Variants in DNER observed in about 807,000 individuals in gnomAD.
DNER encodes the protein delta and Notch-like epidermal growth factor-related receptor.
DNER carries 33 observed loss-of-function variants against 78.2 expected under a neutral mutation model. That is an observed-to-expected ratio of 0.42 (90% CI 0.32 to 0.56). DNER has a LOEUF of 0.56. DNER is among the 20% of genes least tolerant of loss of function. The pLI, the probability that DNER is intolerant of heterozygous loss-of-function variation, is 0.11. For missense variants in DNER, 918 were observed against 975.3 expected (o/e 0.94, Z 0.78); for synonymous variants, 417 against 384.8 (o/e 1.08, Z -0.98).
Position 229,424,190 on chromosome 2 carries a change from G to A in DNER, c.1487-5960C>T, listed in dbSNP as rs551923514. ...GGTCTCCACCTACACGGAGCATCCAGTGTGGTAGCAAGTTAGCAGCATCTG... is the reference window on the plus strand; with the variant it reads ...GGTCTCCACCTACACGGAGCATCCAATGTGGTAGCAAGTTAGCAGCATCTG... On this transcript the variant is annotated intron_variant, in intron 8 of 12. Coordinates refer to ENST00000341772, the MANE Select transcript of DNER (RefSeq NM_139072.4). 3.3e-5 allele frequency among the ~76,000 whole-genome samples: 5 copies of A among 152,372 alleles called. No homozygotes were observed. In the East Asian group the frequency reaches 7.7e-4, roughly 23 times the overall value.
At chr2:229,575,887 T>A (rs1299916553) in intron 4 of DNER, among the ~76,000 whole-genome samples, 2 of 152,126 alleles carry the variant, frequency 1.3e-5, no homozygotes, top group Non-Finnish European at 2.9e-5. Context: ...AAAAGAATAA[T>A]CTTGATTGCT....
intron 1 of DNER, among the ~76,000 whole-genome samples, chr2:229,642,202 G>T (rs1698637675): frequency 6.6e-6 from 1 of 152,106 alleles, no homozygotes; most frequent in Non-Finnish European, 1.5e-5. Flanking sequence ...AAGGGGGAAA[G>T]TACCTAAGAC....
At chr2:229,601,189 A>G (rs553089890) in intron 1 of DNER, among the ~76,000 whole-genome samples, 31 of 152,306 alleles carry the variant, frequency 2.0e-4, no homozygotes, top group African/African-American at 7.2e-4. Flanking sequence ...TGTAAATGTC[A>G]TCTTCCTTCT....
intron 1 of DNER, among the ~76,000 whole-genome samples, chr2:229,699,397 G>C (rs1574572696): frequency 6.6e-6 from 1 of 152,028 alleles, no homozygotes; most frequent in Admixed American, 6.5e-5. Flanking sequence ...ACAAGCTCTT[G>C]CTCTGCCGCC....
intron 1 of DNER, among the ~76,000 whole-genome samples, chr2:229,639,831 G>A (rs751682514): frequency 1.7e-4 from 26 of 152,148 alleles, no homozygotes; most frequent in South Asian, 4.1e-4. Context: ...CCAAGGGCAG[G>A]CCCTTGAATG....
rs115590098 is a variant in DNER at position 229,706,203 on chromosome 2, G to A, written c.276+7945C>T. Among the ~76,000 whole-genome samples, 1,436 of 152,156 alleles carry A rather than the reference G, an allele frequency of 9.4e-3. 27 individuals carry two copies. Among genetic ancestry groups the A allele is most frequent in the African/African-American group, 0.033 (1,363 of 41,486 alleles). ...ATAAACTCTTTCCACCAATGTTTAC[G>A]GAAATATTTAGGAGAGGGTCAGCCA... On this transcript the variant is annotated intron_variant, in intron 1 of 12. Coordinates refer to ENST00000341772, the MANE Select transcript of DNER (RefSeq NM_139072.4).
intron 5 of DNER, among the ~76,000 whole-genome samples, chr2:229,542,323 T>C (rs572891784): frequency 1.3e-5 from 2 of 152,158 alleles, no homozygotes; most frequent in Non-Finnish European, 2.9e-5. Context: ...CTCCTTGCGA[T>C]GTTGAAGTAA....
intron 1 of DNER, among the ~76,000 whole-genome samples, chr2:229,676,562 G>A (rs911415082): frequency 6.6e-6 from 1 of 152,168 alleles, no homozygotes; most frequent in African/African-American, 2.4e-5. Flanking sequence ...ATTTGCTCTA[G>A]TAAAGGACTG....
intron 1 of DNER, among the ~76,000 whole-genome samples, chr2:229,671,447 CT>C (rs1303547220): frequency 6.6e-5 from 10 of 152,220 alleles, no homozygotes; most frequent in African/African-American, 1.9e-4. Context: ...TATGTCATCA[CT>C]TCCTTTAATT....
intron 6 of DNER, among the ~76,000 whole-genome samples, chr2:229,507,061 T>A (rs1208391158): frequency 6.6e-6 from 1 of 152,226 alleles, no homozygotes; most frequent in African/African-American, 2.4e-5. Flanking sequence ...TTGTACTGAA[T>A]ACTGTAGGCA....
At chr2:229,456,582 T>C (rs2106366117) in intron 7 of DNER, among the ~76,000 whole-genome samples, 1 of 152,126 alleles carries the variant, frequency 6.6e-6, no homozygotes, top group East Asian at 1.9e-4. Flanking sequence ...TAGAACAATG[T>C]CTACAGGGAC....
At chr2:229,711,282 C>T (rs888626155) in intron 1 of DNER, among the ~76,000 whole-genome samples, 1 of 152,102 alleles carries the variant, frequency 6.6e-6, no homozygotes, top group Non-Finnish European at 1.5e-5. Context: ...AGAGGTGAGG[C>T]TTTAAAGCTG....
intron 1 of DNER, among the ~76,000 whole-genome samples, chr2:229,623,510 C>A (rs1412083360): frequency 6.6e-6 from 1 of 152,208 alleles, no homozygotes; most frequent in African/African-American, 2.4e-5. Context: ...GCCCAGGCAG[C>A]CGGGCATGAG....
chr2:229,566,604 A>AAGCTCTCAGG, intron 4 of DNER, among the ~76,000 whole-genome samples: 1 of 152,218 alleles, frequency 6.6e-6, no homozygotes, highest in South Asian at 2.1e-4. Flanking sequence ...AGGCCTCAAG[A>AAGCTCTCAGG]AGCTCTCAGG....
chr2:229,434,594 C>A (rs1352547201), intron 8 of DNER, among the ~76,000 whole-genome samples: 8 of 152,102 alleles, frequency 5.3e-5, no homozygotes, highest in African/African-American at 1.9e-4. Flanking sequence ...AAACACACAG[C>A]ATTTGTTCAT....
intron 1 of DNER, among the ~76,000 whole-genome samples, chr2:229,649,731 GAGA>G (rs1698778219): frequency 1.3e-5 from 2 of 152,184 alleles, no homozygotes; most frequent in African/African-American, 4.8e-5. Context: ...TACAGTGGAT[GAGA>G]ATTATTCTTA....
At chr2:229,535,479 T>C (rs928663484) in intron 5 of DNER, among the ~76,000 whole-genome samples, 1 of 152,148 alleles carries the variant, frequency 6.6e-6, no homozygotes, top group Non-Finnish European at 1.5e-5. Context: ...AATCCAACCC[T>C]GCCTGCCATT....
chr2:229,596,523 T>G (rs557082382), intron 1 of DNER, among the ~76,000 whole-genome samples: 3 of 152,296 alleles, frequency 2.0e-5, no homozygotes, highest in Admixed American at 2.0e-4. Flanking sequence ...TCTCTGGTCC[T>G]CGGAGACCAT....
At chr2:229,596,946 T>TGCACATGCAC (rs1426704419) in intron 1 of DNER, among the ~76,000 whole-genome samples, 3 of 151,984 alleles carry the variant, frequency 2.0e-5, no homozygotes, top group African/African-American at 7.3e-5. Flanking sequence ...TGCACATGCA[T>TGCACATGCAC]GCACATGCAC....
Sources: gnomAD v4.1 joint callset for allele counts (sites outside exome capture counted in the v4.1 genomes callset) on GRCh38, gnomAD v4.1.1 for gene constraint, MANE v1.5 for transcripts, NCBI Gene and HGNC (gene_info 2026-07-23, HGNC 2026-07-21) for gene names.